Variants in PPP4R2 observed in about 807,000 individuals in gnomAD.
The protein encoded by PPP4R2 is serine/threonine-protein phosphatase 4 regulatory subunit 2.
Under a neutral mutation model 47.2 loss-of-function variants are expected in PPP4R2, and 13 were observed. That is an observed-to-expected ratio of 0.28 (90% CI 0.18 to 0.44). The LOEUF (loss-of-function observed/expected upper bound fraction) is 0.44, where lower values mean the gene tolerates loss of function less well. Ranked by LOEUF, PPP4R2 falls within the 20% of genes least tolerant of loss-of-function variation. The pLI is 1.00. For missense variants in PPP4R2, 421 were observed against 491.2 expected (o/e 0.86, Z 1.35); for synonymous variants, 151 against 163.3 (o/e 0.92, Z 0.57).
intron 3 of PPP4R2, among the ~76,000 whole-genome samples, chr3:73,054,863 C>G (rs1267019738): frequency 6.6e-6 from 1 of 151,982 alleles, no homozygotes; most frequent in Admixed American, 6.6e-5. Flanking sequence ...GACATTATTT[C>G]TTTAGTGTTT....
At chr3:73,002,180 A>G (rs995490399) in intron 2 of PPP4R2, among the ~76,000 whole-genome samples, 23 of 152,168 alleles carry the variant, frequency 1.5e-4, no homozygotes, top group African/African-American at 5.6e-4. Flanking sequence ...GACAGGATCT[A>G]ATTCTTTTTT....
At chr3:73,050,457 AT>A (rs1356440583) in intron 3 of PPP4R2, among the ~76,000 whole-genome samples, 22 of 151,624 alleles carry the variant, frequency 1.5e-4, no homozygotes, top group Admixed American at 1.4e-3. Flanking sequence ...TGTTTTTTAT[AT>A]ATATATAGTT....
At chr3:73,046,045 C>T (rs530510939) in intron 2 of PPP4R2, among the ~76,000 whole-genome samples, 6 of 152,058 alleles carry the variant, frequency 3.9e-5, no homozygotes, top group African/African-American at 1.4e-4. Context: ...ATTTTTATAT[C>T]TTTTACACTT....
Position 73,064,142 on chromosome 3 carries a change from C to CA in PPP4R2, c.635dup (p.His212GlnfsTer3). On this transcript the variant is annotated frameshift_variant, in exon 7 of 9. Transcript: ENST00000356692. LOFTEE classifies it high-confidence loss of function. ...TTTGCAGCAAAATGAGGAGAAAAAT[C>CA]ACAGGTTTGTATGTTTTATATTTAA... The CA allele has an allele frequency of 6.2e-7, 1 of 1,607,224 alleles. No individual in the cohort carries two copies. Among genetic ancestry groups the CA allele is most frequent in the Non-Finnish European group, 8.5e-7 (1 of 1,178,136 alleles).
In PPP4R2 at chr3:73,065,544, T is replaced by C; in HGVS notation, c.1076T>C (p.Leu359Pro). 1.2e-6 allele frequency: 2 copies of C among 1,612,688 alleles called. No homozygotes were observed. The highest frequency in any genetic ancestry group is 1.1e-5 in the South Asian group (1 of 91,028). The change falls in exon 9 of 9, where the codon CTA (leucine) becomes CCA (proline). Residue 359 changes from leucine (L) to proline (P), a missense_variant. This residue lies in a region of PPP4R2 where 317 missense variants were observed against 287.5 expected (regional missense o/e 1.10). Coordinates refer to ENST00000356692, the MANE Select transcript of PPP4R2 (RefSeq NM_174907.4). ...GTGTCTCAAGCTGAGAAAGATTTGC[T>C]ACATTCTGAAGGTAGTGAAAACGAA... ...SDVSQAEKDL[L>P]HSEGSENEGP...
chr3:73,023,173 T>G (rs1015918865), intron 2 of PPP4R2, among the ~76,000 whole-genome samples: 3 of 126,654 alleles, frequency 2.4e-5, no homozygotes, highest in African/African-American at 9.5e-5. Context: ...GAGGTTTCTT[T>G]TCTTTTCCTT....
chr3:73,062,630 C>T, intron 5 of PPP4R2: 1 of 1,613,988 alleles, frequency 6.2e-7, no homozygotes. Context: ...CATCAGTTCT[C>T]CGCCACTGCT....
intron 3 of PPP4R2, among the ~76,000 whole-genome samples, chr3:73,055,678 T>TA (rs1322732385): frequency 1.3e-5 from 2 of 151,500 alleles, no homozygotes; most frequent in Non-Finnish European, 2.9e-5. Context: ...TTTTTTTTTT[T>TA]TGGAGACAGT....
chr3:73,042,921 G>C (rs1452019418), intron 2 of PPP4R2, among the ~76,000 whole-genome samples: 1 of 152,084 alleles, frequency 6.6e-6, no homozygotes, highest in African/African-American at 2.4e-5. Flanking sequence ...TAGTGCCATA[G>C]AGTCTTTGAA....
At chr3:72,998,389 A>T (rs1039184589) in intron 2 of PPP4R2, among the ~76,000 whole-genome samples, 2 of 152,218 alleles carry the variant, frequency 1.3e-5, no homozygotes, top group Non-Finnish European at 2.9e-5. Context: ...TTTTCTTTAT[A>T]GCTAGGCTTT....
At chr3:73,055,892 C>A (rs1421818465) in intron 3 of PPP4R2, among the ~76,000 whole-genome samples, 1 of 152,128 alleles carries the variant, frequency 6.6e-6, no homozygotes, top group Admixed American at 6.6e-5. Flanking sequence ...AGGCGTGAGC[C>A]ACCGTGCCTG....
At chr3:73,063,624 A>G (rs530966110) in intron 5 of PPP4R2, 49 bp from the exon 6 acceptor site, 1 of 1,118,706 alleles carries the variant, frequency 8.9e-7, no homozygotes, top group South Asian at 1.3e-5. Flanking sequence ...GCCAGACTCC[A>G]TCTAAAAAAA....
intron 2 of PPP4R2, among the ~76,000 whole-genome samples, chr3:73,016,421 G>A (rs1701833189): frequency 6.6e-6 from 1 of 152,112 alleles, no homozygotes; most frequent in Non-Finnish European, 1.5e-5. Flanking sequence ...TATTGCTTAG[G>A]ACACTCCCCA....
At chr3:73,056,864 T>A (rs1702740873) in intron 3 of PPP4R2, among the ~76,000 whole-genome samples, 1 of 152,186 alleles carries the variant, frequency 6.6e-6, no homozygotes, top group Non-Finnish European at 1.5e-5. Flanking sequence ...TAATTTTAAT[T>A]AGTGAGAAAA....
rs1702877387 is a variant in PPP4R2, at chr3:73,062,253, A to G, written c.419+1193A>G. 1.9e-6 allele frequency: 3 copies of G among 1,600,106 alleles called. No individual in the cohort carries two copies. Among genetic ancestry groups the G allele is most frequent in the Non-Finnish European group, 2.6e-6 (3 of 1,176,276 alleles). On this transcript the variant is annotated intron_variant, in intron 5 of 8. Coordinates refer to ENST00000356692, the MANE Select transcript of PPP4R2 (RefSeq NM_174907.4). ...TCATCTAAGAAAGGACTCACAGCCCAGCAGCCCAGGAGATGACGCAATGGA... is the reference window on the plus strand; with the variant it reads ...TCATCTAAGAAAGGACTCACAGCCCGGCAGCCCAGGAGATGACGCAATGGA...
intron 2 of PPP4R2, among the ~76,000 whole-genome samples, chr3:73,013,387 A>T (rs1322786787): frequency 6.6e-6 from 1 of 152,374 alleles, no homozygotes; most frequent in Non-Finnish European, 1.5e-5. Flanking sequence ...GATCACACAA[A>T]TTAGGTAATT....
intron 2 of PPP4R2, among the ~76,000 whole-genome samples, chr3:73,038,923 G>A (rs1476478843): frequency 6.6e-6 from 1 of 152,068 alleles, no homozygotes; most frequent in Non-Finnish European, 1.5e-5. Context: ...CAACCATTTA[G>A]CACTCTAATT....
intron 2 of PPP4R2, among the ~76,000 whole-genome samples, chr3:73,018,407 C>CGTGAT (rs1701885333): frequency 1.0e-5 from 1 of 96,028 alleles, no homozygotes; most frequent in Non-Finnish European, 2.1e-5. Context: ...CTGTCATAGT[C>CGTGAT]GTTATGTTAT....
intron 2 of PPP4R2, among the ~76,000 whole-genome samples, chr3:73,034,466 T>G (rs1702226742): frequency 6.6e-6 from 1 of 152,218 alleles, no homozygotes; most frequent in South Asian, 2.1e-4. Context: ...GAATCCTAGC[T>G]CCATTTGATA....
Sources: gnomAD v4.1 joint callset for allele counts (sites outside exome capture counted in the v4.1 genomes callset) on GRCh38, gnomAD v4.1.1 for gene constraint, gnomAD v4.1.1 regional missense constraint, MANE v1.5 for transcripts, NCBI Gene and HGNC (gene_info 2026-07-23, HGNC 2026-07-21) for gene names.